The following ARVCF variants were observed in gnomAD, a reference collection of about 807,000 sequenced individuals.
ARVCF encodes the protein ARVCF delta catenin family member, also known as splicing regulator ARVCF.
A neutral mutation model predicts 90.9 loss-of-function variants in ARVCF; 66 were observed. That is an observed-to-expected ratio of 0.73 (90% CI 0.60 to 0.89). The LOEUF is 0.89. Among genes scored for constraint, ARVCF ranks in the 40% least tolerant of loss-of-function variants. ARVCF has a pLI of 0.00. For synonymous variants in ARVCF, 653 were observed against 603.4 expected, an observed-to-expected ratio of 1.08 and a Z score of -1.21; for missense variants, 1,469 against 1,382.3, an observed-to-expected ratio of 1.06 and a Z score of -1.00.
At chr22:19,967,122 C>A, downstream of ARVCF, 1 of 1,291,096 alleles carries the variant, frequency 7.7e-7, no homozygotes, top group Non-Finnish European at 1.0e-6. Context: ...ACCCATGCTC[C>A]TTTCTGCCCT....
At chr22:19,976,079 A>G (rs1342482592) in intron 10 of ARVCF, among the ~76,000 whole-genome samples, 1 of 152,094 alleles carries the variant, frequency 6.6e-6, no homozygotes, top group Non-Finnish European at 1.5e-5. Context: ...GGAAGCCAGG[A>G]GCCCTGGCTG....
downstream of ARVCF, chr22:19,969,888 G>A (rs1235465370): frequency 2.0e-6 from 2 of 985,342 alleles, no homozygotes; most frequent in Admixed American, 6.1e-5. Flanking sequence ...GTGGCAGAAA[G>A]CAAAAAGTTC....
At chr22:20,004,141 G>A (rs189016146) in intron 2 of ARVCF, among the ~76,000 whole-genome samples, 2 of 152,084 alleles carry the variant, frequency 1.3e-5, no homozygotes, top group Admixed American at 6.5e-5. Flanking sequence ...AAAAAGAATA[G>A]AATACATAAT....
intron 2 of ARVCF, among the ~76,000 whole-genome samples, chr22:19,993,178 T>C (rs1944094433): frequency 1.3e-5 from 2 of 151,890 alleles, no homozygotes; most frequent in Non-Finnish European, 2.9e-5. Context: ...CCGCAGGTCA[T>C]GGCCTCGGCA....
At chr22:19,995,394 G>A (rs572512418) in intron 2 of ARVCF, among the ~76,000 whole-genome samples, 138 of 151,910 alleles carry the variant, frequency 9.1e-4, no homozygotes, top group African/African-American at 3.2e-3. Context: ...AAGGGGGGGT[G>A]GGCTGTGTAA....
At chr22:19,968,880 A>T, downstream of ARVCF, 1 of 702,764 alleles carries the variant, frequency 1.4e-6, no homozygotes, top group Non-Finnish European at 2.5e-6. Flanking sequence ...CTGACATGCT[A>T]ACCTCTCTGA....
chr22:19,973,167 A>T lies in ARVCF; in HGVS notation c.2390T>A (p.Leu797His). 1 of 1,609,202 alleles carries T rather than the reference A, an allele frequency of 6.2e-7. No individual in the cohort carries two copies. The highest frequency in any genetic ancestry group is 8.5e-7 in the Non-Finnish European group (1 of 1,178,692). ...CGCTGGCACCCCGCGTGCCTGCAGG[A>T]GCGAGCGCGCGTTATCCAGGCTGTC... ...VSDSLDNARS[L>H]LQARGVPALV... Residue 797 changes from leucine to histidine, a missense_variant, in exon 14 of 20, where the codon CTC (leucine) becomes CAC (histidine). Leu to His is a moderately conservative substitution (Grantham distance 99). Coordinates refer to ENST00000263207, the MANE Select transcript of ARVCF (RefSeq NM_001670.3).
intron 17 of ARVCF, 106 bp downstream of exon 17, chr22:19,972,248 ATATC>A (rs927125181): frequency 6.8e-7 from 1 of 1,467,544 alleles, no homozygotes; most frequent in Non-Finnish European, 9.5e-7. Context: ...CCTAAACCAA[ATATC>A]TCTCCTCCAC....
rs1218015290 is a variant in ARVCF, at chr22:19,974,229, C to G, written c.1971G>C (p.Leu657=). The change falls in exon 12 of 20, where the codon CTG becomes CTC. Residue 657 remains leucine, a synonymous_variant. Coordinates refer to ENST00000263207, the MANE Select transcript of ARVCF (RefSeq NM_001670.3). ...GACGTACCACCTCGGGCTGGTACAG[C>G]AGCTCAAAGCCTAGGTGCAGGGCAA... The part of the protein sequence containing the change: ...KRTEAAKGFE[L]LYQPEVVRLY... The G allele has an allele frequency of 6.2e-7, 1 of 1,608,858 alleles. No homozygotes were observed.
At position 19,971,962 on chromosome 22, in the gene ARVCF, G is replaced by T. The variant is rs773343199; in HGVS notation, c.2705C>A (p.Ser902Tyr). ...CCTCCGCTCCCTCCGGTCCACCGTG[G>T]AGTATCCGTCTGTAGATGGGGTAAG... Reference protein sequence around the residue: ...PMDALGPDGYSTVDRRERRPR... With the variant: ...PMDALGPDGYYTVDRRERRPR... The change falls in exon 18 of 20, where the codon TCC becomes TAC. Residue 902 changes from serine (S) to tyrosine (Y), a missense_variant. Ser to Tyr is a moderately radical substitution (Grantham distance 144, BLOSUM62 -2). Coordinates refer to ENST00000263207, the MANE Select transcript of ARVCF (RefSeq NM_001670.3). The T allele has an allele frequency of 5.0e-6, 8 of 1,610,758 alleles. No homozygotes were observed. Among genetic ancestry groups the T allele is most frequent in the South Asian group, 1.1e-5 (1 of 90,852 alleles).
downstream of ARVCF, among the ~76,000 whole-genome samples, chr22:19,966,390 C>G (rs1053303610): frequency 1.1e-4 from 17 of 149,690 alleles, no homozygotes; most frequent in African/African-American, 4.2e-4. Context: ...CTGCTGTAGT[C>G]ACCAAGTCCA....
At position 19,972,921 on chromosome 22, in the gene ARVCF, G is replaced by A. The variant is rs1467929388; in HGVS notation, c.2550+4C>T. On this transcript the variant is annotated splice_donor_region_variant and intron_variant, in intron 15 of 19. Coordinates refer to ENST00000263207, the MANE Select transcript of ARVCF (RefSeq NM_001670.3). ...GAATGGAAGGAAGGCCAGGGAAGCCGCACCTGGAAGCGCGCCTTGGTCCAA... is the reference window on the plus strand; with the variant it reads ...GAATGGAAGGAAGGCCAGGGAAGCCACACCTGGAAGCGCGCCTTGGTCCAA... The A allele has an allele frequency of 5.6e-6, 9 of 1,613,718 alleles. No individual in the cohort carries two copies. The Admixed American group carries it at 6.7e-5, about 12-fold the overall frequency.
At chr22:19,974,341 T>TG (rs1313452386) in intron 11 of ARVCF, 102 bp from the exon 12 acceptor site, 1 of 1,413,502 alleles carries the variant, frequency 7.1e-7, no homozygotes, top group Non-Finnish European at 9.3e-7. Context: ...GTGGGTGAGC[T>TG]GGGGCCAGGG....
At chr22:19,999,857 G>A (rs922064820) in intron 2 of ARVCF, among the ~76,000 whole-genome samples, 8 of 152,116 alleles carry the variant, frequency 5.3e-5, no homozygotes, top group Non-Finnish European at 1.0e-4. Context: ...CTGTGAAGCC[G>A]AGAGATAAGA....
At chr22:19,978,271 C>T (rs1052079301) in intron 7 of ARVCF, among the ~76,000 whole-genome samples, 196 bp from the exon 8 acceptor site, 3 of 152,170 alleles carry the variant, frequency 2.0e-5, no homozygotes, top group Non-Finnish European at 2.9e-5. Context: ...GGAGGGGAGC[C>T]CTGGCAGACA....
At position 19,979,860 on chromosome 22, in the gene ARVCF, G is replaced by T. The variant is rs1206929916; in HGVS notation, c.1279C>A (p.Leu427Ile). 39 of 1,608,930 alleles carry T rather than the reference G, an allele frequency of 2.4e-5. No homozygotes were observed. Among genetic ancestry groups the T allele is most frequent in the Non-Finnish European group, 3.1e-5 (37 of 1,178,722 alleles). The change falls in exon 6 of 20, where the codon CTC (leucine) becomes ATC (isoleucine). Residue 427 changes from leucine (L) to isoleucine (I), a missense_variant. Physicochemically the swap from Leu to Ile is conservative, Grantham distance 5 (BLOSUM62 2). Coordinates refer to ENST00000263207, the MANE Select transcript of ARVCF (RefSeq NM_001670.3). ...RRRACGALRN[L>I]SYGRDTDNKA... ...TTGTCAGTGTCGCGGCCATAGGAGAGGTTGCGCAGTGCCCCACAGGCCCGG... is the reference window on the plus strand; with the variant it reads ...TTGTCAGTGTCGCGGCCATAGGAGATGTTGCGCAGTGCCCCACAGGCCCGG...
At chr22:19,977,141 G>A (rs561077471) in intron 9 of ARVCF, among the ~76,000 whole-genome samples, 21 of 152,320 alleles carry the variant, frequency 1.4e-4, no homozygotes, top group African/African-American at 4.3e-4. Context: ...AACTCTCCCC[G>A]GAGTAGAAAG....
intron 14 of ARVCF, 35 bp downstream of exon 14, chr22:19,973,084 C>G: frequency 6.3e-7 from 1 of 1,594,214 alleles, no homozygotes; most frequent in Non-Finnish European, 8.6e-7. Flanking sequence ...CCCACCTCCG[C>G]GGCTCCCCAA....
intron 10 of ARVCF, among the ~76,000 whole-genome samples, chr22:19,976,414 G>A (rs948368550): frequency 9.9e-5 from 15 of 152,216 alleles, no homozygotes; most frequent in Admixed American, 2.0e-4. Context: ...GTATCCCTCC[G>A]AGCCACATGA....
Sources: allele counts gnomAD v4.1 joint callset (sites outside exome capture counted in the v4.1 genomes callset), GRCh38; gene constraint gnomAD v4.1.1; transcripts MANE v1.5; gene names NCBI Gene and HGNC (gene_info 2026-07-23, HGNC 2026-07-21).